MARCHF7: variants seen among roughly 807,000 people sequenced by gnomAD.
The protein encoded by MARCHF7 is E3 ubiquitin-protein ligase MARCHF7.
In MARCHF7, 20 loss-of-function variants were observed where a neutral mutation model predicts 76.5. The ratio of observed to expected loss-of-function variants is 0.26; its 90% CI spans 0.18 to 0.38. The LOEUF is 0.38. Among genes scored for constraint, MARCHF7 ranks in the 10% least tolerant of loss-of-function variants. The pLI, the probability that MARCHF7 is intolerant of heterozygous loss-of-function variation, is 1.00. For synonymous variants in MARCHF7, 295 were observed against 293.0 expected, an observed-to-expected ratio of 1.01 and a Z score of -0.07; for missense variants, 797 against 812.9, an observed-to-expected ratio of 0.98 and a Z score of 0.24.
intron 4 of MARCHF7, among the ~76,000 whole-genome samples, chr2:159,731,971 G>A (rs1448615724): frequency 6.6e-6 from 1 of 151,792 alleles, no homozygotes; most frequent in Non-Finnish European, 1.5e-5. Flanking sequence ...GGGCGTGGTG[G>A]CGGGCGCCTG....
intron 5 of MARCHF7, 117 bp from the exon 6 acceptor site, chr2:159,745,653 C>G (rs1437040915): frequency 2.9e-6 from 2 of 693,386 alleles, no homozygotes; most frequent in Non-Finnish European, 2.2e-6. Context: ...GAGACTCCGT[C>G]TCAAATAATA....
intron 3 of MARCHF7, among the ~76,000 whole-genome samples, chr2:159,719,385 C>G (rs573832074): frequency 1.1e-4 from 17 of 152,148 alleles, no homozygotes; most frequent in African/African-American, 4.1e-4. Flanking sequence ...TGACCACCCC[C>G]CACCACCACC....
intron 7 of MARCHF7, among the ~76,000 whole-genome samples, chr2:159,752,147 T>C (rs565653449): frequency 6.6e-6 from 1 of 152,356 alleles, no homozygotes; most frequent in East Asian, 1.9e-4. Context: ...AAATAAATGA[T>C]AGGTTAGCCT....
At chr2:159,719,920 G>A (rs554653182) in intron 3 of MARCHF7, among the ~76,000 whole-genome samples, 1 of 152,308 alleles carries the variant, frequency 6.6e-6, no homozygotes, top group African/African-American at 2.4e-5. Context: ...AGTCGAGATG[G>A]ATATGACCTT....
At chr2:159,733,432 C>A in intron 4 of MARCHF7, 1 of 687,014 alleles carries the variant, frequency 1.5e-6, no homozygotes, top group Non-Finnish European at 1.8e-6. Context: ...GATGTGAAGT[C>A]TCACTGTATT....
intron 4 of MARCHF7, among the ~76,000 whole-genome samples, chr2:159,741,783 A>T (rs188290727): frequency 2.8e-4 from 42 of 152,326 alleles, no homozygotes; most frequent in African/African-American, 9.6e-4. Flanking sequence ...ACTCATGGTA[A>T]CATGCTTTAA....
intron 8 of MARCHF7, among the ~76,000 whole-genome samples, chr2:159,756,443 T>G (rs879003512): frequency 3.3e-5 from 5 of 152,018 alleles, no homozygotes; most frequent in African/African-American, 4.8e-5. Flanking sequence ...TCCCAGCACT[T>G]TGGGAGGCTG....
At chr2:159,763,135 G>A (rs899721092) in intron 10 of MARCHF7, 142 bp downstream of exon 10, 15 of 456,572 alleles carry the variant, frequency 3.3e-5, no homozygotes, top group Admixed American at 1.6e-4. Context: ...TAAAGATACC[G>A]TAGATTTAAT....
At chr2:159,712,694 T>TTG (rs1011418923) in intron 1 of MARCHF7, 88 bp downstream of exon 1, 4 of 152,402 alleles carry the variant, frequency 2.6e-5, no homozygotes, top group South Asian at 2.1e-4. Context: ...CTTCTCCGTC[T>TTG]TGGGCGCTAG....
intron 4 of MARCHF7, among the ~76,000 whole-genome samples, chr2:159,739,632 T>C (rs948812031): frequency 6.6e-5 from 10 of 152,160 alleles, no homozygotes; most frequent in African/African-American, 2.4e-4. Flanking sequence ...TCTGACACTT[T>C]ATTTAATTGT....
rs767290150 is a variant in MARCHF7 at position 159,748,235 on chromosome 2, C to T, written c.945C>T (p.Tyr315=). The T allele has an allele frequency of 8.7e-6, 14 of 1,613,670 alleles. No individual in the cohort carries two copies. Among genetic ancestry groups the T allele is most frequent in the East Asian group, 2.2e-5 (1 of 44,884 alleles). The stretch of plus-strand genomic sequence containing the variant: ...GATCATTGAATTCTGAAAATTCTTA[C>T]GTTTCTCCAAGAATCTTGACAGCTT... ...NTRSLNSENS[Y]VSPRILTASQ... The change falls in exon 7 of 12, where the codon TAC becomes TAT. Residue 315 remains tyrosine, a synonymous_variant. Coordinates refer to ENST00000409175, the MANE Select transcript of MARCHF7 (RefSeq NM_001282805.2).
intron 3 of MARCHF7, among the ~76,000 whole-genome samples, chr2:159,719,854 T>C (rs1574186470): frequency 6.6e-6 from 1 of 152,240 alleles, no homozygotes; most frequent in Admixed American, 6.5e-5. Context: ...TGCATTGATA[T>C]GGGCATATTC....
At position 159,759,301 on chromosome 2, in the gene MARCHF7, T is replaced by C; in HGVS notation, c.1859T>C (p.Ile620Thr). The C allele has an allele frequency of 6.2e-7, 1 of 1,611,048 alleles. No individual in the cohort carries two copies. Among genetic ancestry groups the C allele is most frequent in the African/African-American group, 1.3e-5 (1 of 74,976 alleles). ...KLELNLEDFD[I>T]HELHRAHANE... is the part of the protein sequence containing the mutation. ...GAGCTTAACCTGGAGGATTTTGATA[T>C]TCATGAACTACATAGAGCTCATGCA... The change falls in exon 9 of 12, where the codon ATT (isoleucine) becomes ACT (threonine). Residue 620 changes from isoleucine (I) to threonine (T), a missense_variant. This residue lies in a region of MARCHF7 where 124 missense variants were observed against 121.3 expected (regional missense o/e 1.02). Coordinates refer to ENST00000409175, the MANE Select transcript of MARCHF7 (RefSeq NM_001282805.2).
In MARCHF7 at chr2:159,762,941, A is replaced by G. The variant is rs1201799699; in HGVS notation, c.1955A>G (p.Gln652Arg). 2 of 1,613,116 alleles carry G rather than the reference A, an allele frequency of 1.2e-6. No homozygotes were observed. Among genetic ancestry groups the G allele is most frequent in the Non-Finnish European group, 1.7e-6 (2 of 1,179,718 alleles). ...GTGGTGTTATTGCACTTGTGCGAAC[A>G]AAGCTTTTCTGATATGATGGGAAAT... ...YLVVLLHLCEQSFSDMMGNTN... is the reference protein window; with the variant it reads ...YLVVLLHLCERSFSDMMGNTN... Residue 652 changes from glutamine to arginine, a missense_variant, in exon 10 of 12, where the codon CAA (glutamine) becomes CGA (arginine). Physicochemically the swap from Gln to Arg is conservative, Grantham distance 43. Around this residue, in one of 3 missense-constraint regions of MARCHF7, gnomAD observed 124 missense variants for 121.3 expected, o/e 1.02. Coordinates refer to ENST00000409175, the MANE Select transcript of MARCHF7 (RefSeq NM_001282805.2).
chr2:159,753,504 T>G (rs552163141), intron 8 of MARCHF7, among the ~76,000 whole-genome samples: 6 of 151,762 alleles, frequency 4.0e-5, no homozygotes, highest in African/African-American at 1.2e-4. Flanking sequence ...TGAGCCGAGA[T>G]TGCGCCACTG....
In MARCHF7 at chr2:159,764,635, C is replaced by T. The variant is rs1173551261; in HGVS notation, c.2017C>T (p.Leu673Phe). ...EPSTRVRFIN[L>F]ARTLQAHMED... ...TCTGCATTGTTTCTAGTTTATTAAC[C>T]TTGCAAGAACTCTTCAGGCACATAT... Residue 673 changes from leucine to phenylalanine, a missense_variant, in exon 11 of 12, where the codon CTT becomes TTT. Coordinates refer to ENST00000409175, the MANE Select transcript of MARCHF7 (RefSeq NM_001282805.2). 3.8e-6 allele frequency: 6 copies of T among 1,599,290 alleles called. No individual in the cohort carries two copies.
chr2:159,733,835 C>CT (rs755824872), intron 4 of MARCHF7: 1 of 1,172,110 alleles, frequency 8.5e-7, no homozygotes, highest in Non-Finnish European at 1.1e-6. Context: ...GTTTCTCTCA[C>CT]TTACACGATT....
At chr2:159,739,568 T>C (rs989094307) in intron 4 of MARCHF7, among the ~76,000 whole-genome samples, 1 of 152,208 alleles carries the variant, frequency 6.6e-6, no homozygotes, top group African/African-American at 2.4e-5. Context: ...ATTCCCTGAT[T>C]TCATTTGGCC....
chr2:159,768,424 C>A lies in MARCHF7; in HGVS notation c.*1082C>A, dbSNP rs1708013337. The stretch of plus-strand genomic sequence containing the variant: ...TACCCTTAGGATACACTTTAAAACA[C>A]CTTAAGGTCTGATGTTATGGCAACA... On this transcript the variant is annotated 3_prime_UTR_variant, in exon 12 of 12. Transcript: ENST00000409175. 6.6e-6 allele frequency: 1 copy of A among 152,560 alleles called. No homozygotes were observed. The highest frequency in any genetic ancestry group is 1.5e-5 in the Non-Finnish European group (1 of 68,008). 9.5% of individuals were successfully genotyped at this position (152,560 alleles called of 1,614,324 possible). A position where few individuals can be genotyped will look rare whatever the true frequency, so the allele number is the denominator to read the frequency against.
Sources: gnomAD v4.1 joint callset for allele counts (sites outside exome capture counted in the v4.1 genomes callset) on GRCh38, gnomAD v4.1.1 for gene constraint, gnomAD v4.1.1 regional missense constraint, MANE v1.5 for transcripts, NCBI Gene and HGNC (gene_info 2026-07-23, HGNC 2026-07-21) for gene names.